The following P2RX3 variants were observed in gnomAD, a reference collection of about 807,000 sequenced individuals.
The protein encoded by P2RX3 is P2X purinoceptor 3.
P2RX3 carries 41 observed loss-of-function variants against 51.5 expected under a neutral mutation model. That is an observed-to-expected ratio of 0.80 (90% CI 0.62 to 1.03). P2RX3 has a LOEUF of 1.03. Among genes scored for constraint, P2RX3 ranks in the 50% least tolerant of loss-of-function variants. The probability of loss-of-function intolerance (pLI) is 0.00; values close to 1 mark genes in which losing one functional copy is unlikely to be tolerated. For synonymous variants in P2RX3, 185 were observed against 191.6 expected, an observed-to-expected ratio of 0.97 and a Z score of 0.29; for missense variants, 459 against 522.1, an observed-to-expected ratio of 0.88 and a Z score of 1.18.
chr11:57,354,461 G>C (rs1378047807), intron 8 of P2RX3, among the ~76,000 whole-genome samples: 1 of 152,180 alleles, frequency 6.6e-6, no homozygotes, highest in Non-Finnish European at 1.5e-5. Context: ...GAACTGTTGA[G>C]AGTCACCAGT....
chr11:57,336,442 C>G (rs1055645801), upstream of P2RX3, among the ~76,000 whole-genome samples: 3 of 152,310 alleles, frequency 2.0e-5, no homozygotes, highest in Admixed American at 6.5e-5. Flanking sequence ...ACCTTGGAGC[C>G]AGAACTGATT....
intron 1 of P2RX3, among the ~76,000 whole-genome samples, chr11:57,344,570 A>ATG (rs1405746978): frequency 1.3e-5 from 2 of 152,128 alleles, no homozygotes. Context: ...GTGGTTGTGC[A>ATG]TGCCTGTAGT....
Position 57,368,048 on chromosome 11 carries a change from C to T in P2RX3, c.882C>T (p.Tyr294=). Residue 294 remains tyrosine, a synonymous_variant, in exon 9 of 12, where the codon TAC becomes TAT. Transcript: ENST00000263314. ...KYYKMENGSE[Y]RTLLKAFGIR... Reference sequence around the variant, plus strand: ...ACAAAATGGAAAATGGCAGTGAGTACCGCACCCTCCTGAAGGCTTTTGGCA... The same window carrying T: ...ACAAAATGGAAAATGGCAGTGAGTATCGCACCCTCCTGAAGGCTTTTGGCA... 1 of 1,614,170 alleles carries T rather than the reference C, an allele frequency of 6.2e-7. No individual in the cohort carries two copies. Among genetic ancestry groups the T allele is most frequent in the Non-Finnish European group, 8.5e-7 (1 of 1,180,032 alleles).
At chr11:57,337,346 G>GAA (rs1565058239), upstream of P2RX3, among the ~76,000 whole-genome samples, 1 of 24,170 alleles carries the variant, frequency 4.1e-5, no homozygotes, top group African/African-American at 1.4e-4. Context: ...GGGAAGGAAA[G>GAA]AAAGAAAAAA....
Position 57,347,118 on chromosome 11 carries a change from C to T in P2RX3, c.258C>T (p.Gly86=). Residue 86 remains glycine, a splice_region_variant and synonymous_variant, in exon 3 of 12, where the codon GGC becomes GGT. Coordinates refer to ENST00000263314, the MANE Select transcript of P2RX3 (RefSeq NM_002559.5). ...CTCTCCCTTCTTCTCCTCCCAAGGG[C>T]ACCTCGGTCTTTGTCATCATCACCA... ...DVSDYVTPPQ[G]TSVFVIITKM... The T allele has an allele frequency of 6.2e-7, 1 of 1,613,590 alleles. No homozygotes were observed. Among genetic ancestry groups the T allele is most frequent in the South Asian group, 1.1e-5 (1 of 90,866 alleles).
At chr11:57,356,561 A>T (rs1278970851) in intron 8 of P2RX3, among the ~76,000 whole-genome samples, 3 of 152,206 alleles carry the variant, frequency 2.0e-5, no homozygotes, top group African/African-American at 4.8e-5. Flanking sequence ...AGCAGCTTTC[A>T]TGAAGCTCGG....
chr11:57,337,483 G>T (rs1358458809), upstream of P2RX3, among the ~76,000 whole-genome samples: 1 of 151,990 alleles, frequency 6.6e-6, no homozygotes, highest in African/African-American at 2.4e-5. Flanking sequence ...GGAATACTAT[G>T]CAGCTGTAAA....
intron 8 of P2RX3, among the ~76,000 whole-genome samples, chr11:57,355,839 C>T (rs528334182): frequency 1.2e-4 from 18 of 152,184 alleles, no homozygotes; most frequent in African/African-American, 3.9e-4. Context: ...ATTTATGCAG[C>T]ATAAAATTCC....
Position 57,338,804 on chromosome 11 carries a change from G to C in P2RX3, c.119+135G>C. On this transcript the variant is annotated intron_variant, in intron 1 of 11. Transcript: ENST00000263314. ...GGGAAACAGTTTCTTCTGTGGAGCC[G>C]AGTCTTAAAGACTGGCCTCTGCCAC... The C allele has an allele frequency of 1.3e-5, 8 of 618,342 alleles. No individual in the cohort carries two copies. The South Asian group carries it at 1.7e-4, about 13-fold the overall frequency. The allele number at this position is 618,342 out of a possible 1,614,324, so 38.3% of individuals were successfully genotyped here. A position where few individuals can be genotyped will look rare whatever the true frequency, so the allele number is the denominator to read the frequency against.
At chr11:57,342,967 C>T (rs964961631) in intron 1 of P2RX3, among the ~76,000 whole-genome samples, 9 of 152,170 alleles carry the variant, frequency 5.9e-5, no homozygotes, top group Non-Finnish European at 8.8e-5. Flanking sequence ...ACACGCCTTC[C>T]GCTCTATAAA....
In P2RX3 at chr11:57,346,647, A is replaced by G. The variant is rs775723120; in HGVS notation, c.223A>G (p.Met75Val). Residue 75 changes from methionine (M) to valine (V), a missense_variant, in exon 2 of 12, where the codon ATG (methionine) becomes GTG (valine). By Grantham distance (21) the Met-to-Val change is conservative. Coordinates refer to ENST00000263314, the MANE Select transcript of P2RX3 (RefSeq NM_002559.5). ...CTCCGGACTCTACGCCAACAGAGTC[A>G]TGGATGTGTCTGATTACGTGACGCC... Reference protein sequence around the residue: ...KGSGLYANRVMDVSDYVTPPQ... With the variant: ...KGSGLYANRVVDVSDYVTPPQ... 3.1e-6 allele frequency: 5 copies of G among 1,614,146 alleles called. No homozygotes were observed. The South Asian group carries it at 4.4e-5, about 14-fold the overall frequency.
At chr11:57,340,401 C>T (rs1856317072) in intron 1 of P2RX3, among the ~76,000 whole-genome samples, 2 of 152,246 alleles carry the variant, frequency 1.3e-5, no homozygotes, top group South Asian at 2.1e-4. Flanking sequence ...TAATTTCCAA[C>T]CCCATCCATC....
At position 57,369,966 on chromosome 11, in the gene P2RX3, C is replaced by T. The variant is rs1225291069; in HGVS notation, c.1163C>T (p.Thr388Ile). 6.2e-7 allele frequency: 1 copy of T among 1,613,982 alleles called. No homozygotes were observed. ...SDQTTAEKQS[T>I]DSGAFSIGH ...CAGACCACAGCGGAGAAGCAGTCCA[C>T]CGATTCGGGGGCCTTCTCCATAGGC... is the stretch of plus-strand genomic sequence containing the variant. Residue 388 changes from threonine (T) to isoleucine (I), a missense_variant, in exon 12 of 12, where the codon ACC (threonine) becomes ATC (isoleucine). Coordinates refer to ENST00000263314, the MANE Select transcript of P2RX3 (RefSeq NM_002559.5).
At chr11:57,363,389 T>C (rs778150523) in intron 8 of P2RX3, among the ~76,000 whole-genome samples, 4 of 152,136 alleles carry the variant, frequency 2.6e-5, no homozygotes, top group Non-Finnish European at 4.4e-5. Context: ...TATGGCACAG[T>C]GCACTGTGGG....
intron 8 of P2RX3, 56 bp downstream of exon 8, chr11:57,350,954 A>T (rs987403276): frequency 2.1e-5 from 34 of 1,611,028 alleles, no homozygotes; most frequent in Non-Finnish European, 2.6e-5. Flanking sequence ...GTTAACGGCA[A>T]TGTTTATTGG....
chr11:57,359,726 G>C (rs1001876540), intron 8 of P2RX3, among the ~76,000 whole-genome samples: 3 of 152,216 alleles, frequency 2.0e-5, no homozygotes, highest in East Asian at 3.8e-4. Context: ...CTCTTAGGGA[G>C]GCAGTAGGGG....
At chr11:57,352,781 G>A (rs1039762625) in intron 8 of P2RX3, among the ~76,000 whole-genome samples, 10 of 152,118 alleles carry the variant, frequency 6.6e-5, no homozygotes, top group African/African-American at 2.4e-4. Flanking sequence ...GGGTATTTGG[G>A]GAGGCAGGAC....
At chr11:57,349,978 C>T in intron 7 of P2RX3, 80 bp downstream of exon 7, 1 of 1,573,332 alleles carries the variant, frequency 6.4e-7, no homozygotes, top group Non-Finnish European at 8.6e-7. Flanking sequence ...CTTTGGCCGG[C>T]ACTGGCCAGG....
In P2RX3 at chr11:57,346,645, T is replaced by G. The variant is rs1399153252; in HGVS notation, c.221T>G (p.Val74Gly). The change falls in exon 2 of 12, where the codon GTC becomes GGC. Residue 74 changes from valine to glycine, a missense_variant. Val to Gly is a moderately radical substitution (Grantham distance 109). Transcript: ENST00000263314. The part of the protein sequence containing the change: ...VKGSGLYANR[V>G]MDVSDYVTPP... ...GGCTCCGGACTCTACGCCAACAGAG[T>G]CATGGATGTGTCTGATTACGTGACG... The G allele has an allele frequency of 6.2e-7, 1 of 1,613,920 alleles. No homozygotes were observed. The highest frequency in any genetic ancestry group is 8.5e-7 in the Non-Finnish European group (1 of 1,180,008).
Sources: allele counts gnomAD v4.1 joint callset (sites outside exome capture counted in the v4.1 genomes callset), GRCh38; gene constraint gnomAD v4.1.1; transcripts MANE v1.5; gene names NCBI Gene and HGNC (gene_info 2026-07-23, HGNC 2026-07-21).